Variants in RXRA observed in about 807,000 individuals in gnomAD.
RXRA encodes the protein retinoid X receptor alpha.
In RXRA, 5 loss-of-function variants were observed where a neutral mutation model predicts 44.5. The observed-to-expected ratio is 0.11, with a 90% CI of 0.06 to 0.24. The LOEUF is 0.24. Among genes scored for constraint, RXRA ranks in the 10% least tolerant of loss-of-function variants. The pLI, the probability that RXRA is intolerant of heterozygous loss-of-function variation, is 1.00. For missense variants in RXRA, 412 were observed against 646.5 expected (o/e 0.64, Z 3.93); for synonymous variants, 291 against 271.4 (o/e 1.07, Z -0.71).
rs183214319 is a variant in RXRA, at chr9:134,378,285, C to T, written c.29-23347C>T. On this transcript the variant is annotated intron_variant, in intron 1 of 9. Coordinates refer to ENST00000481739, the MANE Select transcript of RXRA (RefSeq NM_002957.6). Reference sequence around the variant, plus strand: ...GCGAGTTCTCTGTCTGCTGGGTCAGCGCTGGGGAGCCAGGCCGGTGCTGGT... The same window carrying T: ...GCGAGTTCTCTGTCTGCTGGGTCAGTGCTGGGGAGCCAGGCCGGTGCTGGT... Among the ~76,000 whole-genome samples the T allele has an allele frequency of 1.1e-3, 165 of 152,066 alleles. 4 individuals carry two copies. In the East Asian group the frequency reaches 0.029, roughly 27 times the overall value.
chr9:134,404,781 A>AG (rs1400864503), intron 2 of RXRA: 2 of 152,464 alleles, frequency 1.3e-5, no homozygotes, highest in Non-Finnish European at 1.5e-5. Flanking sequence ...AGCAAGGTCC[A>AG]GGGGCCTGCT....
chr9:134,372,597 G>A (rs530172068), intron 1 of RXRA, among the ~76,000 whole-genome samples: 1 of 152,294 alleles, frequency 6.6e-6, no homozygotes, highest in East Asian at 1.9e-4. Flanking sequence ...TCATCTTATG[G>A]GGTGGGTGTT....
At chr9:134,431,452 G>C (rs867129231) in intron 7 of RXRA, among the ~76,000 whole-genome samples, 67 of 152,220 alleles carry the variant, frequency 4.4e-4, no homozygotes, top group African/African-American at 1.5e-3. Context: ...TTCCTGGACT[G>C]AAGGGAGCGG....
At chr9:134,405,529 C>T (rs1405044199) in intron 2 of RXRA, 1 of 152,322 alleles carries the variant, frequency 6.6e-6, no homozygotes, top group Non-Finnish European at 1.5e-5. Flanking sequence ...CTTTCCCGGC[C>T]AGGGCTGCTC....
chr9:134,361,601 G>A (rs7048602), intron 1 of RXRA, among the ~76,000 whole-genome samples: 19,807 of 152,262 alleles, frequency 0.13, 3,385 homozygotes, highest in African/African-American at 0.4. Context: ...CTTCCACACC[G>A]TCAGTGGCCG....
At chr9:134,353,095 G>A (rs1025871897) in intron 1 of RXRA, among the ~76,000 whole-genome samples, 2 of 152,110 alleles carry the variant, frequency 1.3e-5, no homozygotes, top group Non-Finnish European at 2.9e-5. Context: ...CCCTTCTGGA[G>A]GGGGGAGGAG....
At chr9:134,346,093 G>C (rs1292652056) in intron 1 of RXRA, among the ~76,000 whole-genome samples, 1 of 152,154 alleles carries the variant, frequency 6.6e-6, no homozygotes, top group African/African-American at 2.4e-5. Context: ...GCCCAGAGTG[G>C]TGTGGTATTG....
intron 1 of RXRA, among the ~76,000 whole-genome samples, chr9:134,334,175 G>A (rs1177470674): frequency 6.6e-6 from 1 of 152,254 alleles, no homozygotes. Flanking sequence ...AGCTCTCCAC[G>A]TGCCAGCCAC....
At chr9:134,410,092 G>A (rs913175774) in intron 4 of RXRA, among the ~76,000 whole-genome samples, 1 of 152,222 alleles carries the variant, frequency 6.6e-6, no homozygotes, top group Non-Finnish European at 1.5e-5. Context: ...CATCTCTCTT[G>A]TGTATGTCTT....
chr9:134,396,865 C>T (rs1315787035), intron 1 of RXRA, among the ~76,000 whole-genome samples: 1 of 152,188 alleles, frequency 6.6e-6, no homozygotes, highest in African/African-American at 2.4e-5. Flanking sequence ...GACCCTGCCG[C>T]GATTGGCCCT....
intron 1 of RXRA, among the ~76,000 whole-genome samples, chr9:134,361,618 G>A (rs1014496835): frequency 1.3e-5 from 2 of 152,220 alleles, no homozygotes; most frequent in Admixed American, 6.5e-5. Flanking sequence ...GCCGTCGCCC[G>A]TCATTTGCTG....
intron 1 of RXRA, among the ~76,000 whole-genome samples, chr9:134,363,815 G>A (rs1381307654): frequency 3.3e-5 from 5 of 152,200 alleles, no homozygotes; most frequent in South Asian, 4.1e-4. Flanking sequence ...TGGGGATCCC[G>A]GGGCCGGAGG....
intron 1 of RXRA, among the ~76,000 whole-genome samples, chr9:134,360,717 C>T (rs1005202094): frequency 1.3e-5 from 2 of 152,210 alleles, no homozygotes; most frequent in Non-Finnish European, 2.9e-5. Context: ...CCTGGGACCA[C>T]AGAGAGAGGA....
rs1830412782 is a variant in RXRA at position 134,366,204 on chromosome 9, C to T, written c.29-35428C>T. 6.6e-6 allele frequency among the ~76,000 whole-genome samples: 1 copy of T among 152,130 alleles called. No individual in the cohort carries two copies. Among genetic ancestry groups the T allele is most frequent in the South Asian group, 2.1e-4 (1 of 4,832 alleles). On this transcript the variant is annotated intron_variant, in intron 1 of 9. Coordinates refer to ENST00000481739, the MANE Select transcript of RXRA (RefSeq NM_002957.6). This position sits in a 1 kb window ranked among gnomAD's most constrained non-coding sequence, Gnocchi z 5.9. Reference sequence around the variant, plus strand: ...CTCTGGTGGCTCCGTGTGGCATGTTCTGGGCTGTGTGTGGGGCCAGGGAGG... The same window carrying T: ...CTCTGGTGGCTCCGTGTGGCATGTTTTGGGCTGTGTGTGGGGCCAGGGAGG...
intron 1 of RXRA, among the ~76,000 whole-genome samples, chr9:134,335,908 G>C (rs1295383019): frequency 1.3e-5 from 2 of 152,224 alleles, no homozygotes; most frequent in Non-Finnish European, 2.9e-5. Flanking sequence ...CCTGTGGGCA[G>C]CTTAGGCGCC....
chr9:134,422,921 C>T (rs768647169), intron 6 of RXRA: 48 of 985,340 alleles, frequency 4.9e-5, no homozygotes, highest in Non-Finnish European at 5.2e-5. Context: ...ACTCCAAGGC[C>T]GCAGCTCTCT....
chr9:134,422,353 CACACTCCCCGCTACCGGG>C (rs1279635414), intron 6 of RXRA: 2 of 1,274,570 alleles, frequency 1.6e-6, no homozygotes, highest in Non-Finnish European at 2.0e-6. Flanking sequence ...CCTCCCGGGA[CACACTCCCCGCTACCGGG>C]ACACTCCCCC....
intron 1 of RXRA, among the ~76,000 whole-genome samples, chr9:134,336,900 T>A (rs1226779740): frequency 3.9e-5 from 6 of 152,174 alleles, no homozygotes; most frequent in African/African-American, 1.4e-4. Context: ...GGAAGGGAAG[T>A]CCTGTGTGTC....
At chr9:134,396,213 G>T (rs1361464948) in intron 1 of RXRA, among the ~76,000 whole-genome samples, 1 of 152,164 alleles carries the variant, frequency 6.6e-6, no homozygotes, top group African/African-American at 2.4e-5. Context: ...CACCATGGCC[G>T]GCATCTCCTG....
Sources: allele counts gnomAD v4.1 joint callset (sites outside exome capture counted in the v4.1 genomes callset), GRCh38; gene constraint gnomAD v4.1.1; non-coding constraint Gnocchi (gnomAD v3.1); transcripts MANE v1.5; gene names NCBI Gene and HGNC (gene_info 2026-07-23, HGNC 2026-07-21).